The following PDGFB variants were observed in gnomAD, a reference collection of about 807,000 sequenced individuals.
The protein encoded by PDGFB is platelet derived growth factor subunit B.
A neutral mutation model predicts 29.0 loss-of-function variants in PDGFB; 6 were observed. That is an observed-to-expected ratio of 0.21 (90% CI 0.11 to 0.41). The LOEUF (loss-of-function observed/expected upper bound fraction) is 0.41, where lower values mean the gene tolerates loss of function less well. Ranked by LOEUF, PDGFB falls within the 10% of genes least tolerant of loss-of-function variation. The pLI, the probability that PDGFB is intolerant of heterozygous loss-of-function variation, is 1.00. For synonymous variants in PDGFB, 144 were observed against 140.8 expected (o/e 1.02, Z -0.16); for missense variants, 299 against 341.8 (o/e 0.87, Z 0.99).
In PDGFB at chr22:39,242,337, G is replaced by A. The variant is rs1233938668; in HGVS notation, c.63+1564C>T. On this transcript the variant is annotated intron_variant, in intron 1 of 6. Transcript: ENST00000331163. This position sits in a 1 kb window ranked among gnomAD's most constrained non-coding sequence, Gnocchi z 5.7. ...GGGGGCCCGGGCGGGGTGGGCTGCG[G>A]AGAGCAGCCACGGGGCGCCGCCGTT... 1 of 203,122 alleles carries A rather than the reference G, an allele frequency of 4.9e-6. No homozygotes were observed. Among genetic ancestry groups the A allele is most frequent in the Non-Finnish European group, 1.0e-5 (1 of 99,196 alleles). The allele number at this position is 203,122 out of a possible 1,614,324, so 12.6% of individuals were successfully genotyped here. A position where few individuals can be genotyped will look rare whatever the true frequency, so the allele number is the denominator to read the frequency against.
At position 39,244,833 on chromosome 22, in the gene PDGFB, A is replaced by C; in HGVS notation, c.-870T>G. The C allele has an allele frequency of 1.3e-5, 2 of 153,046 alleles. No individual in the cohort carries two copies. The highest frequency in any genetic ancestry group is 1.3e-5 in the Non-Finnish European group (1 of 75,484). The allele number at this position is 153,046 out of a possible 1,614,324, so 9.5% of individuals were successfully genotyped here. On this transcript the variant is annotated 5_prime_UTR_variant, in exon 1 of 7. Transcript: ENST00000331163. The surrounding 1 kb of genome is among the most constrained non-coding windows in gnomAD (Gnocchi z 4.5). ...TTTTTTTTTTCCTTTTTGCGCGCGTATGTATGTGTGTGCGCGCAAAGTATC... is the reference window on the plus strand; with the variant it reads ...TTTTTTTTTTCCTTTTTGCGCGCGTCTGTATGTGTGTGCGCGCAAAGTATC...
rs560426150 is a variant in PDGFB, at chr22:39,243,847, G to C, written c.63+54C>G. 2.0e-4 allele frequency: 295 copies of C among 1,445,400 alleles called. No homozygotes were observed. Among genetic ancestry groups the C allele is most frequent in the Non-Finnish European group, 2.6e-4 (276 of 1,045,658 alleles). The allele number at this position is 1,445,400 out of a possible 1,614,324, so 89.5% of individuals were successfully genotyped here. On this transcript the variant is annotated intron_variant, in intron 1 of 6. Coordinates refer to ENST00000331163, the MANE Select transcript of PDGFB (RefSeq NM_002608.4). This position sits in a 1 kb window ranked among gnomAD's most constrained non-coding sequence, Gnocchi z 6.4. ...AGGGAGAGGAGGGGGCGGTCAGAAG[G>C]GGGGGGCGAAGGTAATGAATGAAGA...
intron 5 of PDGFB, among the ~76,000 whole-genome samples, chr22:39,226,395 G>A (rs1348412004): frequency 1.3e-5 from 2 of 152,116 alleles, no homozygotes; most frequent in Non-Finnish European, 2.9e-5. Context: ...TTGCTGGAGA[G>A]GCCACATGGA....
Position 39,235,627 on chromosome 22 carries a change from C to G in PDGFB, c.160+151G>C, listed in dbSNP as rs962936232. ...CAACCCGCCTGCTGACTCGGCCCTG[C>G]CCTGGATGGGTGTGGCCACGCTCTC... On this transcript the variant is annotated intron_variant, in intron 2 of 6. Transcript: ENST00000331163. 2.9e-5 allele frequency: 18 copies of G among 611,298 alleles called. No individual in the cohort carries two copies. In the African/African-American group the frequency reaches 3.4e-4, roughly 11 times the overall value. The allele number at this position is 611,298 out of a possible 1,614,324, so 37.9% of individuals were successfully genotyped here.
Position 39,230,267 on chromosome 22 carries a change from C to T in PDGFB, c.457-39G>A, listed in dbSNP as rs757757910. ...CCACAAAATGCCTCTGTAGAGACCA[C>T]ACAGCCAGGAGCCCGGGAAGCCCGA... On this transcript the variant is annotated intron_variant, in intron 4 of 6. Coordinates refer to ENST00000331163, the MANE Select transcript of PDGFB (RefSeq NM_002608.4). 5 of 1,609,482 alleles carry T rather than the reference C, an allele frequency of 3.1e-6. No individual in the cohort carries two copies. In the South Asian group the frequency reaches 4.4e-5, roughly 14 times the overall value.
In PDGFB at chr22:39,238,497, C is replaced by G. The variant is rs555438116; in HGVS notation, c.64-2623G>C. 7.9e-5 allele frequency among the ~76,000 whole-genome samples: 12 copies of G among 152,160 alleles called. 1 individual carries two copies. The highest frequency in any genetic ancestry group is 7.3e-5 in the Non-Finnish European group (5 of 68,046). On this transcript the variant is annotated intron_variant, in intron 1 of 6. Transcript: ENST00000331163. ...CTATGAATGCCAGCTACAAGCCACA[C>G]GCTGAGAAAAACACCGTATAAACTA...
intron 1 of PDGFB, chr22:39,241,234 C>G (rs1346440704): frequency 6.8e-6 from 3 of 443,746 alleles, no homozygotes; most frequent in Non-Finnish European, 1.2e-5. Context: ...CTCCACCCAG[C>G]CCTGCCTCAC....
chr22:39,241,046 C>A lies in PDGFB; in HGVS notation c.63+2855G>T, dbSNP rs1473481276. 5.5e-6 allele frequency: 4 copies of A among 727,524 alleles called. No homozygotes were observed. The South Asian group carries it at 6.4e-5, about 12-fold the overall frequency. The allele number at this position is 727,524 out of a possible 1,614,324, so 45.1% of individuals were successfully genotyped here. A position where few individuals can be genotyped will look rare whatever the true frequency, so the allele number is the denominator to read the frequency against. On this transcript the variant is annotated intron_variant, in intron 1 of 6. Coordinates refer to ENST00000331163, the MANE Select transcript of PDGFB (RefSeq NM_002608.4). ...CTCTGGGATTCCAGCAGTTGGTCTCCTGCCCCCTAGGGCCATTAGCAAAGC... is the reference window on the plus strand; with the variant it reads ...CTCTGGGATTCCAGCAGTTGGTCTCATGCCCCCTAGGGCCATTAGCAAAGC...
Position 39,243,619 on chromosome 22 carries a change from CAAAGGGTGGG to C in PDGFB, c.63+272_63+281del, listed in dbSNP as rs1932623040. ...GGGAAGGGGCTTGTTCTCGGGTTCC[CAAAGGGTGGG>C]GGACAGGGCCACACACACCCTCCCC... On this transcript the variant is annotated intron_variant, in intron 1 of 6. Transcript: ENST00000331163. This position sits in a 1 kb window ranked among gnomAD's most constrained non-coding sequence, Gnocchi z 6.4. Among the ~76,000 whole-genome samples, 9 of 152,240 alleles carry C rather than the reference CAAAGGGTGGG, an allele frequency of 5.9e-5. No individual in the cohort carries two copies. In the South Asian group the frequency reaches 1.9e-3, roughly 32 times the overall value.
intron 5 of PDGFB, among the ~76,000 whole-genome samples, chr22:39,228,893 A>AAAAAAATATATAT (rs1184799325): frequency 3.1e-4 from 41 of 132,618 alleles, no homozygotes; most frequent in South Asian, 9.8e-4. Flanking sequence ...CCTCAAAAAA[A>AAAAAAATATATAT]ATATATATAT....
intron 5 of PDGFB, 115 bp from the exon 6 acceptor site, chr22:39,225,962 C>T: frequency 8.0e-7 from 1 of 1,248,792 alleles, no homozygotes; most frequent in Non-Finnish European, 1.1e-6. Context: ...GGAGGGGAAT[C>T]TGGACCAGGG....
At chr22:39,229,601 A>T (rs1227279441) in intron 5 of PDGFB, among the ~76,000 whole-genome samples, 1 of 152,122 alleles carries the variant, frequency 6.6e-6, no homozygotes, top group Admixed American at 6.6e-5. Context: ...GATTCCTTCC[A>T]CCATCCCATC....
chr22:39,235,292 C>G (rs1390278005), intron 2 of PDGFB, among the ~76,000 whole-genome samples: 1 of 152,192 alleles, frequency 6.6e-6, no homozygotes, highest in Non-Finnish European at 1.5e-5. Context: ...TCCAGCCCGC[C>G]AGCCCCGCCA....
intron 1 of PDGFB, chr22:39,240,950 C>T (rs1362807551): frequency 2.8e-6 from 4 of 1,407,890 alleles, no homozygotes; most frequent in African/African-American, 2.8e-5. Context: ...CACTCTCTCT[C>T]TCTCTCTCTT....
rs1020619506 is a variant in PDGFB at position 39,223,926 on chromosome 22, C to T, written c.*1416G>A. 1 of 152,194 alleles carries T rather than the reference C, an allele frequency of 6.6e-6. No homozygotes were observed. The highest frequency in any genetic ancestry group is 1.5e-5 in the Non-Finnish European group (1 of 68,028). 9.4% of individuals were successfully genotyped at this position (152,194 alleles called of 1,614,324 possible). On this transcript the variant is annotated 3_prime_UTR_variant, in exon 7 of 7. Coordinates refer to ENST00000331163, the MANE Select transcript of PDGFB (RefSeq NM_002608.4). The stretch of plus-strand genomic sequence containing the variant: ...TCCCTTCTCTCCCCCATTCCCAGCC[C>T]ACGAGCTGGTTTCCTAGGAGGAGCC...
intron 3 of PDGFB, among the ~76,000 whole-genome samples, 165 bp downstream of exon 3, chr22:39,233,270 C>T (rs1421550339): frequency 6.6e-6 from 1 of 152,160 alleles, no homozygotes; most frequent in Non-Finnish European, 1.5e-5. Context: ...TGAACACAGG[C>T]ATTTAAGGAT....
Position 39,242,276 on chromosome 22 carries a change from C to T in PDGFB, c.63+1625G>A, listed in dbSNP as rs1435600243. On this transcript the variant is annotated intron_variant, in intron 1 of 6. Transcript: ENST00000331163. This position sits in a 1 kb window ranked among gnomAD's most constrained non-coding sequence, Gnocchi z 5.7. Reference sequence around the variant, plus strand: ...CGCCGGAGCGCAGCATCGCCTCCGGCCAGGAGTGTGCATGCGTGGGGTGAG... The same window carrying T: ...CGCCGGAGCGCAGCATCGCCTCCGGTCAGGAGTGTGCATGCGTGGGGTGAG... The T allele has an allele frequency of 4.7e-6, 1 of 211,590 alleles. No homozygotes were observed. Among genetic ancestry groups the T allele is most frequent in the Non-Finnish European group, 9.6e-6 (1 of 104,446 alleles). The allele number at this position is 211,590 out of a possible 1,614,324, so 13.1% of individuals were successfully genotyped here.
At chr22:39,233,973 G>A (rs1453814098) in intron 2 of PDGFB, among the ~76,000 whole-genome samples, 1 of 131,738 alleles carries the variant, frequency 7.6e-6, no homozygotes, top group African/African-American at 2.7e-5. Flanking sequence ...AGCCCCTCTG[G>A]AGCCCCGGAC....
At chr22:39,233,843 G>A (rs529349524) in intron 2 of PDGFB, among the ~76,000 whole-genome samples, 6 of 152,266 alleles carry the variant, frequency 3.9e-5, no homozygotes, top group East Asian at 1.9e-4. Flanking sequence ...CCTCCAGGGC[G>A]GGGCCGGGAC....
Sources: gnomAD v4.1 joint callset for allele counts (sites outside exome capture counted in the v4.1 genomes callset) on GRCh38, gnomAD v4.1.1 for gene constraint, Gnocchi (gnomAD v3.1) non-coding constraint, MANE v1.5 for transcripts, NCBI Gene and HGNC (gene_info 2026-07-23, HGNC 2026-07-21) for gene names.